The following HS6ST3 variants were observed in gnomAD, a reference collection of about 807,000 sequenced individuals.
HS6ST3 encodes the protein heparan sulfate 6-O-sulfotransferase 3.
Under a neutral mutation model 36.7 loss-of-function variants are expected in HS6ST3, and 12 were observed. The ratio of observed to expected loss-of-function variants is 0.33; its 90% CI spans 0.21 to 0.53. HS6ST3 has a LOEUF of 0.53. Among genes scored for constraint, HS6ST3 ranks in the 20% least tolerant of loss-of-function variants. HS6ST3 has a pLI of 0.95. For missense variants in HS6ST3, 584 were observed against 640.9 expected, an observed-to-expected ratio of 0.91 and a Z score of 0.96; for synonymous variants, 240 against 257.5, an observed-to-expected ratio of 0.93 and a Z score of 0.65.
At chr13:96,372,342 T>C (rs1198265934) in intron 1 of HS6ST3, among the ~76,000 whole-genome samples, 1 of 152,194 alleles carries the variant, frequency 6.6e-6, no homozygotes, top group Non-Finnish European at 1.5e-5. Context: ...GTTTTCTTGC[T>C]ATTGAGTATA....
rs1031643187 is a variant in HS6ST3 at position 96,090,712 on chromosome 13, C to G, written c.-151C>G. The G allele has an allele frequency of 2.4e-6, 1 of 412,668 alleles. No individual in the cohort carries two copies. Among genetic ancestry groups the G allele is most frequent in the Non-Finnish European group, 3.6e-6 (1 of 275,028 alleles). 25.6% of individuals were successfully genotyped at this position (412,668 alleles called of 1,614,324 possible). ...CCTCAAGCCCCGAGGGCCGCGGGGC[C>G]GCCAGCCAGCCACACGCCTCGGCGT... On this transcript the variant is annotated 5_prime_UTR_variant, in exon 1 of 2. Transcript: ENST00000376705.
intron 1 of HS6ST3, among the ~76,000 whole-genome samples, chr13:96,216,112 G>T (rs1374289613): frequency 6.6e-6 from 1 of 152,110 alleles, no homozygotes; most frequent in African/African-American, 2.4e-5. Context: ...AACAATCATA[G>T]AATTGTTCTG....
rs1368759114 is a variant in HS6ST3, at chr13:96,140,273, T to C, written c.707+48704T>C. Reference sequence around the variant, plus strand: ...TGAAATTAACTGTATATATATTGTATTACTGTAATAATTTTGTAACCACCT... The same window carrying C: ...TGAAATTAACTGTATATATATTGTACTACTGTAATAATTTTGTAACCACCT... On this transcript the variant is annotated intron_variant, in intron 1 of 1. Transcript: ENST00000376705. Among the ~76,000 whole-genome samples the C allele has an allele frequency of 2.0e-5, 3 of 152,210 alleles. No homozygotes were observed. The East Asian group carries it at 5.8e-4, about 29-fold the overall frequency.
chr13:96,291,228 G>T (rs1048094671), intron 1 of HS6ST3, among the ~76,000 whole-genome samples: 2 of 152,046 alleles, frequency 1.3e-5, no homozygotes, highest in African/African-American at 4.8e-5. Flanking sequence ...AATCCTTAGG[G>T]CCTCATATAG....
intron 1 of HS6ST3, among the ~76,000 whole-genome samples, chr13:96,824,792 A>G (rs1878614080): frequency 6.6e-6 from 1 of 152,214 alleles, no homozygotes; most frequent in Non-Finnish European, 1.5e-5. Context: ...CAAGATCCTC[A>G]CAAGATCTAA....
intron 1 of HS6ST3, among the ~76,000 whole-genome samples, chr13:96,217,860 A>G (rs1284677827): frequency 6.6e-6 from 1 of 152,216 alleles, no homozygotes; most frequent in African/African-American, 2.4e-5. Context: ...ACATAAATAC[A>G]TAGATGAATG....
At chr13:96,628,365 A>T (rs2056520327) in intron 1 of HS6ST3, among the ~76,000 whole-genome samples, 1 of 151,828 alleles carries the variant, frequency 6.6e-6, no homozygotes, top group Non-Finnish European at 1.5e-5. Flanking sequence ...ATGTTTATGG[A>T]GTATGGCCTA....
intron 1 of HS6ST3, among the ~76,000 whole-genome samples, chr13:96,545,698 T>C (rs2056195186): frequency 6.6e-6 from 1 of 152,226 alleles, no homozygotes; most frequent in South Asian, 2.1e-4. Flanking sequence ...ACCTGTGTTC[T>C]TATTGCCATT....
chr13:96,322,122 A>G (rs564343298), intron 1 of HS6ST3, among the ~76,000 whole-genome samples: 40 of 152,282 alleles, frequency 2.6e-4, no homozygotes, highest in African/African-American at 9.4e-4. Flanking sequence ...TATCAAGCCA[A>G]TCCCTCAACC....
In HS6ST3 at chr13:96,408,943, G is replaced by A. The variant is rs116179355; in HGVS notation, c.707+317374G>A. Among the ~76,000 whole-genome samples, 5 of 152,040 alleles carry A rather than the reference G, an allele frequency of 3.3e-5. 1 individual carries two copies. The highest frequency in any genetic ancestry group is 5.9e-5 in the Non-Finnish European group (4 of 67,986). ...CGTCTCAAAAAAAAAGAAAAGAAAAGAAAAGAAAATACTGTAATCGAACAT... is the reference window on the plus strand; with the variant it reads ...CGTCTCAAAAAAAAAGAAAAGAAAAAAAAAGAAAATACTGTAATCGAACAT... On this transcript the variant is annotated intron_variant, in intron 1 of 1. Transcript: ENST00000376705.
At chr13:96,686,495 G>C (rs189483925) in intron 1 of HS6ST3, among the ~76,000 whole-genome samples, 7 of 152,092 alleles carry the variant, frequency 4.6e-5, no homozygotes, top group Non-Finnish European at 8.8e-5. Flanking sequence ...AAGCACATCT[G>C]AGAAGCTTTG....
rs139946555 is a variant in HS6ST3 at position 96,397,505 on chromosome 13, TA to T, written c.707+305943del. On this transcript the variant is annotated intron_variant, in intron 1 of 1. Coordinates refer to ENST00000376705, the MANE Select transcript of HS6ST3 (RefSeq NM_153456.4). Reference sequence around the variant, plus strand: ...TCTTTGACTCATCAATATAAATTGTTAAAAAAACTCTTACATTTCAATTTAT... The same window carrying T: ...TCTTTGACTCATCAATATAAATTGTTAAAAAACTCTTACATTTCAATTTAT... 2.0e-4 allele frequency among the ~76,000 whole-genome samples: 31 copies of T among 152,278 alleles called. 1 individual carries two copies. In the East Asian group the frequency reaches 5.2e-3, roughly 26 times the overall value.
chr13:96,493,406 C>A (rs2055956508), intron 1 of HS6ST3, among the ~76,000 whole-genome samples: 2 of 152,066 alleles, frequency 1.3e-5, no homozygotes, highest in Admixed American at 1.3e-4. Flanking sequence ...ACATATATAT[C>A]TAAATAATGA....
chr13:96,347,777 A>G (rs987296193), intron 1 of HS6ST3, among the ~76,000 whole-genome samples: 7 of 152,136 alleles, frequency 4.6e-5, no homozygotes, highest in Non-Finnish European at 7.4e-5. Context: ...ATTGGATCCC[A>G]GTCGAATGAT....
At chr13:96,805,605 G>A (rs1248925987) in intron 1 of HS6ST3, among the ~76,000 whole-genome samples, 1 of 152,148 alleles carries the variant, frequency 6.6e-6, no homozygotes, top group Non-Finnish European at 1.5e-5. Context: ...CATATTGTTG[G>A]TGTTAACCCA....
chr13:96,231,528 G>C (rs2054508254), intron 1 of HS6ST3, among the ~76,000 whole-genome samples: 1 of 151,968 alleles, frequency 6.6e-6, no homozygotes, highest in Non-Finnish European at 1.5e-5. Context: ...GAGGGGAGGT[G>C]CTACACCCAT....
chr13:96,489,928 C>T (rs1199323384), intron 1 of HS6ST3, among the ~76,000 whole-genome samples: 1 of 152,076 alleles, frequency 6.6e-6, no homozygotes, highest in East Asian at 1.9e-4. Context: ...TGCCCTCTTC[C>T]TTCTTATGTG....
At chr13:96,768,975 G>T (rs1877190307) in intron 1 of HS6ST3, among the ~76,000 whole-genome samples, 1 of 152,090 alleles carries the variant, frequency 6.6e-6, no homozygotes, top group African/African-American at 2.4e-5. Context: ...CATTGTTCCA[G>T]CTCTAACAAA....
At chr13:96,702,007 A>C (rs1376822822) in intron 1 of HS6ST3, among the ~76,000 whole-genome samples, 1 of 152,176 alleles carries the variant, frequency 6.6e-6, no homozygotes, top group Non-Finnish European at 1.5e-5. Context: ...GAAACATGAT[A>C]TAGCATATAC....
Sources: gnomAD v4.1 joint callset for allele counts (sites outside exome capture counted in the v4.1 genomes callset) on GRCh38, gnomAD v4.1.1 for gene constraint, MANE v1.5 for transcripts, NCBI Gene and HGNC (gene_info 2026-07-23, HGNC 2026-07-21) for gene names.